Variants in KIF16B observed in about 807,000 individuals in gnomAD.
KIF16B encodes kinesin-like protein KIF16B.
KIF16B carries 98 observed loss-of-function variants against 156.3 expected under a neutral mutation model. The observed-to-expected ratio is 0.63, with a 90% confidence interval of 0.53 to 0.74. KIF16B has a LOEUF of 0.74. Among genes scored for constraint, KIF16B ranks in the 30% least tolerant of loss-of-function variants. The pLI, the probability that KIF16B is intolerant of heterozygous loss-of-function variation, is 0.00. For synonymous variants in KIF16B, 564 were observed against 583.7 expected, an observed-to-expected ratio of 0.97 and a Z score of 0.49; for missense variants, 1,421 against 1,606.5, an observed-to-expected ratio of 0.88 and a Z score of 1.97.
chr20:16,523,345 A>G (rs2069418708), intron 3 of KIF16B, among the ~76,000 whole-genome samples: 1 of 152,254 alleles, frequency 6.6e-6, no homozygotes, highest in Non-Finnish European at 1.5e-5. Flanking sequence ...GTCTCAGGAT[A>G]CAAAATCAAT....
intron 23 of KIF16B, among the ~76,000 whole-genome samples, chr20:16,343,246 A>G (rs2064172427): frequency 1.3e-5 from 2 of 152,222 alleles, no homozygotes; most frequent in South Asian, 4.1e-4. Context: ...TGTCCTCAAG[A>G]TGGACTGCAT....
chr20:16,515,416 G>A (rs2069111125), intron 4 of KIF16B, 132 bp downstream of exon 4: 1 of 579,608 alleles, frequency 1.7e-6, no homozygotes, highest in African/African-American at 1.9e-5. Flanking sequence ...TTATTACTGA[G>A]TTTTATCTTA....
chr20:16,526,051 T>C (rs2069528999), intron 3 of KIF16B, 41 bp downstream of exon 3: 12 of 1,161,934 alleles, frequency 1.0e-5, no homozygotes, highest in Non-Finnish European at 1.5e-5. Context: ...TTTCTCAATG[T>C]GAAAATAAAT....
chr20:16,540,767 C>T (rs532394330), intron 1 of KIF16B, among the ~76,000 whole-genome samples: 12 of 152,274 alleles, frequency 7.9e-5, no homozygotes, highest in Non-Finnish European at 1.5e-4. Context: ...CTCTTTTCCT[C>T]TTGTATTAGG....
At chr20:16,353,581 G>C (rs562589861) in intron 23 of KIF16B, among the ~76,000 whole-genome samples, 1 of 152,144 alleles carries the variant, frequency 6.6e-6, no homozygotes, top group Non-Finnish European at 1.5e-5. Context: ...ACCCAATGAG[G>C]GGGGGGTTTA....
chr20:16,415,546 T>G (rs1268977603), intron 15 of KIF16B, among the ~76,000 whole-genome samples: 1 of 152,064 alleles, frequency 6.6e-6, no homozygotes, highest in Non-Finnish European at 1.5e-5. Context: ...AGCACAGACT[T>G]CCTTCTGCTT....
intron 12 of KIF16B, among the ~76,000 whole-genome samples, chr20:16,453,400 A>G (rs1312940211): frequency 1.3e-5 from 2 of 152,164 alleles, no homozygotes; most frequent in African/African-American, 4.8e-5. Context: ...ATTTCACTAT[A>G]AAAACTAATC....
At chr20:16,515,507 AT>A (rs765081420) in intron 4 of KIF16B, 40 bp downstream of exon 4, 1 of 1,033,798 alleles carries the variant, frequency 9.7e-7, no homozygotes. Flanking sequence ...CCAGAGAAAG[AT>A]AATGAGAAAT....
intron 12 of KIF16B, among the ~76,000 whole-genome samples, chr20:16,455,089 C>T (rs1334543698): frequency 6.6e-6 from 1 of 152,106 alleles, no homozygotes; most frequent in Non-Finnish European, 1.5e-5. Context: ...TGAAACACAC[C>T]GAATCCAGGA....
Position 16,386,841 on chromosome 20 carries a change from A to G in KIF16B, c.1785-5094T>C, listed in dbSNP as rs576825122. Among the ~76,000 whole-genome samples, 5 of 152,254 alleles carry G rather than the reference A, an allele frequency of 3.3e-5. No homozygotes were observed. The South Asian group carries it at 8.3e-4, about 25-fold the overall frequency. On this transcript the variant is annotated intron_variant, in intron 17 of 25. Coordinates refer to ENST00000354981, the MANE Select transcript of KIF16B (RefSeq NM_024704.5). ...CCTACACCTCAATTACCTCATCTGA[A>G]CACAGGCTCAAAAATAATCCTAGTC...
chr20:16,349,185 C>A (rs149557068), intron 23 of KIF16B, among the ~76,000 whole-genome samples: 21 of 152,196 alleles, frequency 1.4e-4, no homozygotes, highest in Admixed American at 1.2e-3. Flanking sequence ...ATAGTAAGTA[C>A]GAAAGGCTGA....
At position 16,273,043 on chromosome 20, in the gene KIF16B, G is replaced by A. The variant is rs1346900126; in HGVS notation, c.*210C>T. The A allele has an allele frequency of 7.2e-6, 4 of 555,590 alleles. No homozygotes were observed. 34.4% of individuals were successfully genotyped at this position (555,590 alleles called of 1,614,324 possible). A position where few individuals can be genotyped will look rare whatever the true frequency, so the allele number is the denominator to read the frequency against. ...CAACCGCAATGGAACGGTAACGGCTGCCTGTCAGGGCCACATCAGCAGGCA... is the reference window on the plus strand; with the variant it reads ...CAACCGCAATGGAACGGTAACGGCTACCTGTCAGGGCCACATCAGCAGGCA... On this transcript the variant is annotated 3_prime_UTR_variant, in exon 26 of 26. Coordinates refer to ENST00000354981, the MANE Select transcript of KIF16B (RefSeq NM_024704.5).
At chr20:16,470,936 G>A (rs568150766) in intron 12 of KIF16B, among the ~76,000 whole-genome samples, 4 of 151,850 alleles carry the variant, frequency 2.6e-5, no homozygotes, top group African/African-American at 7.2e-5. Context: ...TTCTCACCTC[G>A]TCTTCCCTTG....
chr20:16,284,249 A>T (rs2122377395), intron 25 of KIF16B, among the ~76,000 whole-genome samples: 2 of 152,276 alleles, frequency 1.3e-5, no homozygotes, highest in South Asian at 4.1e-4. Flanking sequence ...TAAGGACCTA[A>T]TTGTACCTCC....
intron 12 of KIF16B, among the ~76,000 whole-genome samples, chr20:16,484,151 T>C (rs2068055175): frequency 6.6e-6 from 1 of 152,232 alleles, no homozygotes; most frequent in Non-Finnish European, 1.5e-5. Flanking sequence ...ACATTTAACA[T>C]GGTGCACATG....
intron 17 of KIF16B, among the ~76,000 whole-genome samples, chr20:16,392,126 C>T (rs2065381786): frequency 6.6e-6 from 1 of 152,172 alleles, no homozygotes; most frequent in South Asian, 2.1e-4. Flanking sequence ...CACCATGACT[C>T]CTTTATTTTG....
At chr20:16,382,000 T>TATTGAA (rs2065107558) in intron 17 of KIF16B, 1 of 944,526 alleles carries the variant, frequency 1.1e-6, no homozygotes. Context: ...ACAAAAACTG[T>TATTGAA]ATTGAAAAAG....
chr20:16,539,185 C>T (rs2070098680), intron 1 of KIF16B, among the ~76,000 whole-genome samples: 1 of 152,070 alleles, frequency 6.6e-6, no homozygotes, highest in African/African-American at 2.4e-5. Flanking sequence ...AAAAGATGCA[C>T]ACAGCTTTGC....
chr20:16,278,942 G>A (rs1224781312), intron 25 of KIF16B, among the ~76,000 whole-genome samples: 1 of 152,156 alleles, frequency 6.6e-6, no homozygotes, highest in Non-Finnish European at 1.5e-5. Flanking sequence ...GCTTTCGTGG[G>A]GACCAGCAGG....
Sources: gnomAD v4.1 joint callset for allele counts (sites outside exome capture counted in the v4.1 genomes callset) on GRCh38, gnomAD v4.1.1 for gene constraint, MANE v1.5 for transcripts, NCBI Gene and HGNC (gene_info 2026-07-23, HGNC 2026-07-21) for gene names.